LRRC69: variants seen among roughly 807,000 people sequenced by gnomAD.
LRRC69 encodes the protein leucine-rich repeat-containing protein 69.
LRRC69 carries 42 observed loss-of-function variants against 37.8 expected under a neutral mutation model. The ratio of observed to expected loss-of-function variants is 1.11; its 90% confidence interval spans 0.87 to 1.44. LRRC69 has a LOEUF of 1.44. LRRC69 is among the 40% of genes most tolerant of loss of function. LRRC69 has a pLI of 0.00. For synonymous variants in LRRC69, 141 were observed against 143.1 expected, an observed-to-expected ratio of 0.99 and a Z score of 0.11; for missense variants, 357 against 401.9, an observed-to-expected ratio of 0.89 and a Z score of 0.96.
At chr8:91,126,403 A>G (rs1047412761) in intron 2 of LRRC69, among the ~76,000 whole-genome samples, 3 of 152,014 alleles carry the variant, frequency 2.0e-5, no homozygotes, top group Non-Finnish European at 4.4e-5. Context: ...AAATCTTTGA[A>G]TTAGGTGCCC....
At chr8:91,125,933 A>G (rs1347244700) in intron 2 of LRRC69, among the ~76,000 whole-genome samples, 1 of 151,912 alleles carries the variant, frequency 6.6e-6, no homozygotes, top group Non-Finnish European at 1.5e-5. Flanking sequence ...ACATAGTGAT[A>G]TTTTGATACC....
At chr8:91,128,174 G>A (rs77063225) in intron 3 of LRRC69, among the ~76,000 whole-genome samples, 1 of 151,840 alleles carries the variant, frequency 6.6e-6, no homozygotes, top group African/African-American at 2.4e-5. Flanking sequence ...GAGGTTCAGG[G>A]CATATCTCTG....
chr8:91,113,972 C>CAA lies in LRRC69; in HGVS notation c.184-10500_184-10499dup, dbSNP rs34806474. ...CTCCACAACATTGCGAGACTTGTCT[C>CAA]AAAAAAAAAAAAAAAAAAAAAAGGT... On this transcript the variant is annotated intron_variant, in intron 1 of 7. Coordinates refer to ENST00000448384, the Ensembl canonical transcript of LRRC69. Among the ~76,000 whole-genome samples, 98 of 60,430 alleles carry CAA rather than the reference C, an allele frequency of 1.6e-3. 12 individuals carry two copies. Among genetic ancestry groups the CAA allele is most frequent in the African/African-American group, 3.9e-3 (51 of 13,086 alleles). 39.6% of individuals were successfully genotyped at this position (60,430 alleles called of 152,430 possible).
intron 1 of LRRC69, among the ~76,000 whole-genome samples, chr8:91,119,967 G>A (rs1813589381): frequency 6.6e-6 from 1 of 151,800 alleles, no homozygotes; most frequent in African/African-American, 2.4e-5. Context: ...TAAGGCATGA[G>A]TTTCTAATCC....
downstream of LRRC69, chr8:91,219,192 TG>T (rs2130660655): frequency 2.6e-6 from 1 of 381,130 alleles, no homozygotes; most frequent in East Asian, 3.8e-5. Context: ...AGATTCTAGG[TG>T]TGCTTTTTTT....
chr8:91,172,145 A>G (rs981321488), intron 5 of LRRC69, among the ~76,000 whole-genome samples: 1 of 151,978 alleles, frequency 6.6e-6, no homozygotes, highest in Non-Finnish European at 1.5e-5. Context: ...ATATGTATAT[A>G]ATTAAACAGT....
At chr8:91,151,542 A>G (rs1808737827) in intron 5 of LRRC69, among the ~76,000 whole-genome samples, 1 of 151,322 alleles carries the variant, frequency 6.6e-6, no homozygotes, top group South Asian at 2.1e-4. Context: ...CCAGTCTGTC[A>G]TTGATGGGCA....
chr8:91,216,340 T>G (rs1810047355), intron 7 of LRRC69, among the ~76,000 whole-genome samples: 1 of 152,180 alleles, frequency 6.6e-6, no homozygotes, highest in African/African-American at 2.4e-5. Flanking sequence ...GGGAAATGGC[T>G]AAAACCACAC....
chr8:91,211,322 AGT>A (rs1489633845), intron 7 of LRRC69, among the ~76,000 whole-genome samples: 2 of 152,114 alleles, frequency 1.3e-5, no homozygotes, highest in South Asian at 2.1e-4. Flanking sequence ...AATTAGAATA[AGT>A]GTATACAGCT....
intron 1 of LRRC69, chr8:91,118,224 G>T (rs1242162927): frequency 4.4e-6 from 2 of 455,244 alleles, no homozygotes; most frequent in African/African-American, 4.0e-5. Flanking sequence ...TTCCTTCTAG[G>T]CCGGGTGCGG....
intron 3 of LRRC69, among the ~76,000 whole-genome samples, chr8:91,128,250 A>G (rs1020584528): frequency 8.5e-5 from 13 of 152,060 alleles, no homozygotes; most frequent in Non-Finnish European, 1.9e-4. Context: ...TCTCATCTCT[A>G]AAGAAAGAAT....
At chr8:91,108,181 TA>T (rs1441440031) in intron 1 of LRRC69, among the ~76,000 whole-genome samples, 1 of 152,012 alleles carries the variant, frequency 6.6e-6, no homozygotes, top group Non-Finnish European at 1.5e-5. Flanking sequence ...TGACAGTAAA[TA>T]AGACCAACTC....
At chr8:91,172,037 T>G (rs895479785) in intron 5 of LRRC69, among the ~76,000 whole-genome samples, 2 of 152,010 alleles carry the variant, frequency 1.3e-5, no homozygotes, top group Non-Finnish European at 2.9e-5. Flanking sequence ...TATTCATACA[T>G]GCTTTGTAAT....
chr8:91,133,045 C>T (rs1813834958), intron 3 of LRRC69, 65 bp from the exon 4 acceptor site: 3 of 961,544 alleles, frequency 3.1e-6, no homozygotes, highest in Non-Finnish European at 1.5e-6. Context: ...CTAAGTTGGG[C>T]CTATATAGTG....
chr8:91,132,365 G>A (rs984269747), intron 3 of LRRC69, among the ~76,000 whole-genome samples: 1 of 151,978 alleles, frequency 6.6e-6, no homozygotes, highest in Non-Finnish European at 1.5e-5. Context: ...GCACAGGCAT[G>A]TAGTTGTGCT....
At chr8:91,157,631 C>A in intron 5 of LRRC69, 1 of 1,571,186 alleles carries the variant, frequency 6.4e-7, no homozygotes, top group Non-Finnish European at 8.7e-7. Flanking sequence ...TTTCAGGAAT[C>A]TAATAAAATG....
chr8:91,197,551 C>G (rs1424623816), intron 6 of LRRC69, among the ~76,000 whole-genome samples: 2 of 152,066 alleles, frequency 1.3e-5, no homozygotes, highest in Non-Finnish European at 2.9e-5. Flanking sequence ...CGTGGTGCGC[C>G]GTTTTTTAAG....
intron 6 of LRRC69, among the ~76,000 whole-genome samples, chr8:91,200,383 G>A (rs970082438): frequency 6.6e-6 from 1 of 152,194 alleles, no homozygotes; most frequent in African/African-American, 2.4e-5. Flanking sequence ...ATATGTAAGA[G>A]ATGTAGAAAT....
rs182019587 is a variant in LRRC69, at chr8:91,127,301, G to A, written c.383+141G>A. On this transcript the variant is annotated intron_variant, in intron 3 of 7. Coordinates refer to ENST00000448384, the Ensembl canonical transcript of LRRC69. ...AGAGGGATCTGAAGGACTGAGGCAA[G>A]CCACTAATTTTAAGCAGATGATTCC... 99 of 579,436 alleles carry A rather than the reference G, an allele frequency of 1.7e-4. 2 individuals are homozygous for A. In the Admixed American group the frequency reaches 2.2e-3, roughly 13 times the overall value. The allele number at this position is 579,436 out of a possible 1,614,324, so 35.9% of individuals were successfully genotyped here. A position where few individuals can be genotyped will look rare whatever the true frequency, so the allele number is the denominator to read the frequency against.
Sources: allele counts gnomAD v4.1 joint callset (sites outside exome capture counted in the v4.1 genomes callset), GRCh38; gene constraint gnomAD v4.1.1; transcripts MANE v1.5; gene names NCBI Gene and HGNC (gene_info 2026-07-23, HGNC 2026-07-21).